REV3L: variants seen among roughly 807,000 people sequenced by gnomAD.
The protein encoded by REV3L is DNA polymerase zeta catalytic subunit.
In REV3L, 69 loss-of-function variants were observed where a neutral mutation model predicts 299.4. The ratio of observed to expected loss-of-function variants is 0.23; its 90% CI spans 0.19 to 0.28. The LOEUF (loss-of-function observed/expected upper bound fraction) is 0.28. Ranked by LOEUF, REV3L falls within the 10% of genes least tolerant of loss-of-function variation. The pLI is 1.00. For synonymous variants in REV3L, 1,238 were observed against 1,271.4 expected (o/e 0.97, Z 0.56); for missense variants, 3,128 against 3,693.8 (o/e 0.85, Z 3.97).
intron 1 of REV3L, among the ~76,000 whole-genome samples, chr6:111,422,660 A>T (rs1785646139): frequency 2.6e-5 from 1 of 38,676 alleles, no homozygotes; most frequent in Non-Finnish European, 8.2e-5. Flanking sequence ...ATATATATAT[A>T]TACATATATA....
chr6:111,354,105 G>A (rs1777845740), intron 18 of REV3L: 1 of 152,196 alleles, frequency 6.6e-6, no homozygotes, highest in African/African-American at 2.4e-5. Context: ...GAAGATTCCT[G>A]GAGTTCCTAT....
chr6:111,405,525 A>G lies in REV3L; in HGVS notation c.510T>C (p.Tyr170=). ...LLQLFIDYNL[Y]GMNLINLAAV... ...CAGCCAGATTTATTAAATTCATGCC[A>G]TAAAGATTGTAGTCAATGAAGAGCT... The change falls in exon 4 of 32, where the codon TAT becomes TAC. Residue 170 remains tyrosine, a synonymous_variant. Transcript: ENST00000368802. 2 of 1,608,522 alleles carry G rather than the reference A, an allele frequency of 1.2e-6. No individual in the cohort carries two copies. Among genetic ancestry groups the G allele is most frequent in the African/African-American group, 1.3e-5 (1 of 74,868 alleles).
chr6:111,394,955 C>T (rs1355732604), intron 4 of REV3L, among the ~76,000 whole-genome samples: 1 of 152,090 alleles, frequency 6.6e-6, no homozygotes, highest in Non-Finnish European at 1.5e-5. Flanking sequence ...GCCTCCCAAA[C>T]TGTTGAGATT....
Position 111,363,929 on chromosome 6 carries a change from T to C in REV3L, c.6803A>G (p.Asp2268Gly). The C allele has an allele frequency of 6.2e-7, 1 of 1,613,442 alleles. No homozygotes were observed. The highest frequency in any genetic ancestry group is 1.1e-5 in the South Asian group (1 of 91,020). The change falls in exon 16 of 32, where the codon GAT (aspartate) becomes GGT (glycine). Residue 2268 changes from aspartate to glycine, a missense_variant. Asp to Gly is a moderately conservative substitution (Grantham distance 94, BLOSUM62 -1). Coordinates refer to ENST00000368802, the MANE Select transcript of REV3L (RefSeq NM_001372078.1). ...NTPQKETSQIDGPSLNNTYGF... is the reference protein window; with the variant it reads ...NTPQKETSQIGGPSLNNTYGF... The stretch of plus-strand genomic sequence containing the variant: ...GTAAGTATTGTTTAAAGATGGTCCA[T>C]CAATCTGAGAAGTTTCTTTCTGTGG...
intron 1 of REV3L, among the ~76,000 whole-genome samples, chr6:111,444,314 A>G (rs1788598533): frequency 6.6e-6 from 1 of 152,240 alleles, no homozygotes; most frequent in African/African-American, 2.4e-5. Flanking sequence ...ATCCAAGTAT[A>G]TACAAAATAT....
intron 1 of REV3L, among the ~76,000 whole-genome samples, chr6:111,429,027 G>A (rs1361894628): frequency 4.6e-5 from 7 of 152,138 alleles, no homozygotes; most frequent in Non-Finnish European, 5.9e-5. Flanking sequence ...AACTTGTCTG[G>A]CAACAGACAT....
At chr6:111,469,281 T>C (rs1791892950) in intron 1 of REV3L, among the ~76,000 whole-genome samples, 1 of 152,194 alleles carries the variant, frequency 6.6e-6, no homozygotes, top group Admixed American at 6.5e-5. Context: ...TCAATAAATA[T>C]TTGTTGAGTT....
At chr6:111,317,867 C>T (rs1211688124) in intron 26 of REV3L, among the ~76,000 whole-genome samples, 1 of 152,156 alleles carries the variant, frequency 6.6e-6, no homozygotes, top group Non-Finnish European at 1.5e-5. Flanking sequence ...TGTCTTCTTT[C>T]ACTCAGCATA....
chr6:111,316,293 T>C (rs1773509227), intron 26 of REV3L, among the ~76,000 whole-genome samples: 1 of 151,238 alleles, frequency 6.6e-6, no homozygotes, highest in Admixed American at 6.6e-5. Flanking sequence ...TAAGAGACTA[T>C]ATGATTATAA....
chr6:111,325,924 C>G (rs1054551426), intron 25 of REV3L, among the ~76,000 whole-genome samples: 1 of 152,176 alleles, frequency 6.6e-6, no homozygotes, highest in Non-Finnish European at 1.5e-5. Context: ...ATCTCCCTCC[C>G]TCCCCACCTC....
intron 1 of REV3L, among the ~76,000 whole-genome samples, chr6:111,453,840 G>T (rs531742384): frequency 1.3e-5 from 2 of 152,128 alleles, no homozygotes; most frequent in Admixed American, 1.3e-4. Flanking sequence ...AAAAAAATTA[G>T]CTGGGCGTGG....
At chr6:111,361,401 A>C (rs7764596) in intron 16 of REV3L, 74 of 134,434 alleles carry the variant, frequency 5.5e-4, no homozygotes, top group African/African-American at 1.8e-3. Flanking sequence ...ACAAAAAAAA[A>C]CAAAAAACAC....
chr6:111,392,744 G>A, intron 5 of REV3L, 132 bp downstream of exon 5: 1 of 552,112 alleles, frequency 1.8e-6, no homozygotes. Context: ...GTCAAGGTTT[G>A]TTTCTGTTAA....
At chr6:111,315,884 A>G (rs1021891251) in intron 26 of REV3L, among the ~76,000 whole-genome samples, 1 of 152,184 alleles carries the variant, frequency 6.6e-6, no homozygotes, top group Non-Finnish European at 1.5e-5. Flanking sequence ...TTCATCTCCA[A>G]ACCACCTGGT....
At chr6:111,445,551 G>A (rs1416607727) in intron 1 of REV3L, among the ~76,000 whole-genome samples, 2 of 152,132 alleles carry the variant, frequency 1.3e-5, no homozygotes, top group African/African-American at 2.4e-5. Flanking sequence ...TTCACCATAC[G>A]TTTTTACTGA....
At chr6:111,450,496 A>C (rs957573073) in intron 1 of REV3L, among the ~76,000 whole-genome samples, 5 of 150,754 alleles carry the variant, frequency 3.3e-5, no homozygotes, top group Admixed American at 1.3e-4. Flanking sequence ...AAAAAAAAAA[A>C]AAAAAAAAAA....
chr6:111,443,797 GC>G (rs1196121013), intron 1 of REV3L, among the ~76,000 whole-genome samples: 1 of 152,172 alleles, frequency 6.6e-6, no homozygotes, highest in African/African-American at 2.4e-5. Context: ...TCCATACACA[GC>G]TTAACATTCA....
At chr6:111,412,286 G>A (rs1001815485) in intron 2 of REV3L, 52 of 984,858 alleles carry the variant, frequency 5.3e-5, no homozygotes, top group African/African-American at 7.0e-5. Context: ...GTTTTTTCTC[G>A]GGGTATCAGC....
rs551908729 is a variant in REV3L at position 111,398,141 on chromosome 6, G to A, written c.566-5169C>T. ...TAATATTTGCTTTATATATGTGGGT[G>A]CTCTGGTGTTGGGTGCATACATATT... On this transcript the variant is annotated intron_variant, in intron 4 of 31. Transcript: ENST00000368802. Among the ~76,000 whole-genome samples the A allele has an allele frequency of 3.0e-4, 45 of 151,858 alleles. No individual in the cohort carries two copies. In the South Asian group the frequency reaches 9.4e-3, roughly 32 times the overall value.
Sources: gnomAD v4.1 joint callset for allele counts (sites outside exome capture counted in the v4.1 genomes callset) on GRCh38, gnomAD v4.1.1 for gene constraint, MANE v1.5 for transcripts, NCBI Gene and HGNC (gene_info 2026-07-23, HGNC 2026-07-21) for gene names.